The following F13A1 variants were observed in gnomAD, a reference collection of about 807,000 sequenced individuals.
The protein encoded by F13A1 is FSF, A subunit.
In F13A1, 47 loss-of-function variants were observed where a neutral mutation model predicts 80.1. The ratio of observed to expected loss-of-function variants is 0.59; its 90% CI spans 0.46 to 0.75. The LOEUF is 0.75. Among genes scored for constraint, F13A1 ranks in the 30% least tolerant of loss-of-function variants. The pLI, the probability that F13A1 is intolerant of heterozygous loss-of-function variation, is 0.00. For synonymous variants in F13A1, 349 were observed against 344.9 expected (o/e 1.01, Z -0.13); for missense variants, 817 against 930.4 (o/e 0.88, Z 1.59).
At chr6:6,200,752 A>G (rs1761377977) in intron 8 of F13A1, among the ~76,000 whole-genome samples, 1 of 152,142 alleles carries the variant, frequency 6.6e-6, no homozygotes, top group Non-Finnish European at 1.5e-5. Flanking sequence ...CAAGAGGATG[A>G]GGCTGAGAGC....
At position 6,320,635 on chromosome 6, in the gene F13A1, C is replaced by A; in HGVS notation, c.-67G>T. The A allele has an allele frequency of 4.3e-6, 2 of 470,280 alleles. No individual in the cohort carries two copies. The highest frequency in any genetic ancestry group is 6.5e-4 in the Middle Eastern group (2 of 3,064). The allele number at this position is 470,280 out of a possible 1,614,324, so 29.1% of individuals were successfully genotyped here. On this transcript the variant is annotated 5_prime_UTR_variant, in exon 1 of 15. Transcript: ENST00000264870. The stretch of plus-strand genomic sequence containing the variant: ...TGCCCTCGCGTGGGCTTGCTCTGTG[C>A]GCCTCGGGGACTTCCTCAAACGGAC...
In F13A1 at chr6:6,191,469, C is replaced by T. The variant is rs149074730; in HGVS notation, c.1305+4328G>A. Among the ~76,000 whole-genome samples the T allele has an allele frequency of 2.4e-3, 361 of 152,254 alleles. 1 individual carries two copies. Among genetic ancestry groups the T allele is most frequent in the African/African-American group, 8.0e-3 (333 of 41,530 alleles). On this transcript the variant is annotated intron_variant, in intron 10 of 14. Coordinates refer to ENST00000264870, the MANE Select transcript of F13A1 (RefSeq NM_000129.4). ...GGATATTTTTTTCACAACACCACAC[C>T]CTTGCCTCTTAAGTACAGGCACTTC...
Position 6,299,530 on chromosome 6 carries a change from G to A in F13A1, c.319+5821C>T, listed in dbSNP as rs1416597612. 1.5e-5 allele frequency among the ~76,000 whole-genome samples: 2 copies of A among 133,616 alleles called. 1 individual carries two copies. Among genetic ancestry groups the A allele is most frequent in the African/African-American group, 7.1e-5 (2 of 28,214 alleles). 87.7% of individuals were successfully genotyped at this position (133,616 alleles called of 152,430 possible). On this transcript the variant is annotated intron_variant, in intron 3 of 14. Coordinates refer to ENST00000264870, the MANE Select transcript of F13A1 (RefSeq NM_000129.4). ...TCCATCGCTGATACCCTTTCTTCCA[G>A]TTGATCGCATCGGCTCCTGAGGCTT...
At chr6:6,159,366 G>C (rs1340773267) in intron 13 of F13A1, among the ~76,000 whole-genome samples, 1 of 152,102 alleles carries the variant, frequency 6.6e-6, no homozygotes, top group Non-Finnish European at 1.5e-5. Context: ...TGTTAACCTC[G>C]GTAAAAATTG....
At chr6:6,241,663 A>G (rs1303237471) in intron 6 of F13A1, among the ~76,000 whole-genome samples, 2 of 152,192 alleles carry the variant, frequency 1.3e-5, no homozygotes, top group Non-Finnish European at 2.9e-5. Context: ...TGCTTTATAA[A>G]CCAAAGGATG....
At chr6:6,238,074 C>A (rs1480457024) in intron 6 of F13A1, among the ~76,000 whole-genome samples, 1 of 151,962 alleles carries the variant, frequency 6.6e-6, no homozygotes, top group African/African-American at 2.4e-5. Context: ...TAGAGGAAAG[C>A]AGTAAAAAAG....
At chr6:6,234,289 T>C (rs1469661937) in intron 6 of F13A1, among the ~76,000 whole-genome samples, 2 of 152,002 alleles carry the variant, frequency 1.3e-5, no homozygotes, top group Admixed American at 1.3e-4. Flanking sequence ...AATCATTAGC[T>C]CTTCTCTACA....
chr6:6,195,234 T>A (rs1761268347), intron 10 of F13A1, among the ~76,000 whole-genome samples: 1 of 152,238 alleles, frequency 6.6e-6, no homozygotes, highest in African/African-American at 2.4e-5. Flanking sequence ...ATCAACCCTG[T>A]AGGTGGGCTG....
At chr6:6,194,706 G>C (rs1375710757) in intron 10 of F13A1, among the ~76,000 whole-genome samples, 1 of 152,280 alleles carries the variant, frequency 6.6e-6, no homozygotes, top group Non-Finnish European at 1.5e-5. Flanking sequence ...CTGTCACCTG[G>C]CATCTAGAAA....
intron 13 of F13A1, among the ~76,000 whole-genome samples, chr6:6,165,007 T>C (rs1372083830): frequency 1.3e-5 from 2 of 152,212 alleles, no homozygotes; most frequent in Non-Finnish European, 2.9e-5. Flanking sequence ...GGAGCACTTC[T>C]ACTCCATTTG....
At chr6:6,306,373 T>A (rs1758512816) in intron 2 of F13A1, among the ~76,000 whole-genome samples, 1 of 152,248 alleles carries the variant, frequency 6.6e-6, no homozygotes, top group African/African-American at 2.4e-5. Context: ...AATTCATTTC[T>A]TCATCATAGA....
intron 3 of F13A1, among the ~76,000 whole-genome samples, chr6:6,283,682 T>A (rs1408021732): frequency 1.3e-5 from 2 of 152,220 alleles, no homozygotes; most frequent in Admixed American, 1.3e-4. Flanking sequence ...CTTTTTTTTT[T>A]CCATCAGCGA....
chr6:6,224,986 A>G lies in F13A1; in HGVS notation c.799-126T>C, dbSNP rs1056057082. ...TGTTGTGCCCAGTGAAAAGAGTTCC[A>G]CTTCTGTTCGGTTTACCATTACATT... On this transcript the variant is annotated intron_variant, in intron 6 of 14. Coordinates refer to ENST00000264870, the MANE Select transcript of F13A1 (RefSeq NM_000129.4). The G allele has an allele frequency of 2.6e-5, 26 of 998,294 alleles. 2 individuals carry two copies. The South Asian group carries it at 3.4e-4, about 13-fold the overall frequency. The allele number at this position is 998,294 out of a possible 1,614,324, so 61.8% of individuals were successfully genotyped here. A position where few individuals can be genotyped will look rare whatever the true frequency, so the allele number is the denominator to read the frequency against.
rs368803423 is a variant in F13A1 at position 6,257,473 on chromosome 6, C to A, written c.572-6544G>T. On this transcript the variant is annotated intron_variant, in intron 4 of 14. Coordinates refer to ENST00000264870, the MANE Select transcript of F13A1 (RefSeq NM_000129.4). ...ATGGAATCAATCTATGAAGCACAAGCAAATGGTTCCTCAATAGTCAGTTGA... is the reference window on the plus strand; with the variant it reads ...ATGGAATCAATCTATGAAGCACAAGAAAATGGTTCCTCAATAGTCAGTTGA... Among the ~76,000 whole-genome samples, 15 of 152,244 alleles carry A rather than the reference C, an allele frequency of 9.9e-5. 1 individual carries two copies. The highest frequency in any genetic ancestry group is 3.6e-4 in the African/African-American group (15 of 41,546).
chr6:6,273,127 C>T (rs1046328349), intron 3 of F13A1, among the ~76,000 whole-genome samples: 1 of 152,182 alleles, frequency 6.6e-6, no homozygotes, highest in Non-Finnish European at 1.5e-5. Context: ...GGGTCTGCAT[C>T]GAGACCCCTT....
At chr6:6,227,530 T>A (rs1757294040) in intron 6 of F13A1, among the ~76,000 whole-genome samples, 1 of 152,374 alleles carries the variant, frequency 6.6e-6, no homozygotes. Flanking sequence ...TGCAGTTGGA[T>A]TGATTATTTA....
At chr6:6,304,727 A>G (rs1742933) in intron 3 of F13A1, among the ~76,000 whole-genome samples, 69,778 of 151,684 alleles carry the variant, frequency 0.46, 16,134 homozygotes, top group South Asian at 0.52. Flanking sequence ...GCTGGGCGTA[A>G]TGGTGTGCAA....
At chr6:6,160,956 G>A (rs1322638378) in intron 13 of F13A1, among the ~76,000 whole-genome samples, 1 of 151,112 alleles carries the variant, frequency 6.6e-6, no homozygotes, top group African/African-American at 2.4e-5. Flanking sequence ...TAGCAAAATT[G>A]TTCCTAGTTC....
intron 6 of F13A1, among the ~76,000 whole-genome samples, chr6:6,234,855 T>C (rs1046983923): frequency 1.4e-4 from 22 of 152,018 alleles, no homozygotes; most frequent in Non-Finnish European, 5.9e-5. Flanking sequence ...TAAAATTCAA[T>C]AAAACTTAAA....
Sources: gnomAD v4.1 joint callset for allele counts (sites outside exome capture counted in the v4.1 genomes callset) on GRCh38, gnomAD v4.1.1 for gene constraint, MANE v1.5 for transcripts, NCBI Gene and HGNC (gene_info 2026-07-23, HGNC 2026-07-21) for gene names.